RHOT1: variants seen among roughly 807,000 people sequenced by gnomAD.
RHOT1 encodes mitochondrial Rho GTPase 1.
A neutral mutation model predicts 95.3 loss-of-function variants in RHOT1; 27 were observed. The observed-to-expected ratio is 0.28, with a 90% confidence interval of 0.21 to 0.39. RHOT1 has a LOEUF of 0.39. Ranked by LOEUF, RHOT1 falls within the 10% of genes least tolerant of loss-of-function variation. The pLI, the probability that RHOT1 is intolerant of heterozygous loss-of-function variation, is 1.00. For missense variants in RHOT1, 578 were observed against 786.7 expected (o/e 0.73, Z 3.17); for synonymous variants, 227 against 263.5 (o/e 0.86, Z 1.34).
chr17:32,165,336 C>CAAAAA (rs773728913), intron 1 of RHOT1, among the ~76,000 whole-genome samples: 4 of 34,332 alleles, frequency 1.2e-4, no homozygotes, highest in African/African-American at 2.3e-4. Flanking sequence ...GACTCCGTCT[C>CAAAAA]AAAAAAAAAA....
At chr17:32,177,228 A>G (rs1429932345) in intron 6 of RHOT1, among the ~76,000 whole-genome samples, 3 of 152,238 alleles carry the variant, frequency 2.0e-5, no homozygotes, top group South Asian at 4.1e-4. Flanking sequence ...CTTTAAATTA[A>G]TTAAAATTAA....
intron 11 of RHOT1, among the ~76,000 whole-genome samples, chr17:32,197,519 G>A (rs2036988179): frequency 6.6e-6 from 1 of 152,008 alleles, no homozygotes; most frequent in South Asian, 2.1e-4. Flanking sequence ...CCGCCTCCCA[G>A]GTTCATCGAC....
rs142070278 is a variant in RHOT1, at chr17:32,186,335, C to T, written c.540+3063C>T. Among the ~76,000 whole-genome samples, 1,415 of 150,954 alleles carry T rather than the reference C, an allele frequency of 9.4e-3. 26 individuals are homozygous for T. Among genetic ancestry groups the T allele is most frequent in the African/African-American group, 0.033 (1,340 of 41,126 alleles). ...TTATTGGCCATCTTCTTTGGAGAAACGTCTATTGCCTATTCAAAGTCCTTT... is the reference window on the plus strand; with the variant it reads ...TTATTGGCCATCTTCTTTGGAGAAATGTCTATTGCCTATTCAAAGTCCTTT... On this transcript the variant is annotated intron_variant, in intron 8 of 19. Transcript: ENST00000545287.
chr17:32,171,181 T>G, intron 2 of RHOT1, 80 bp downstream of exon 2: 1 of 997,114 alleles, frequency 1.0e-6, no homozygotes, highest in South Asian at 1.5e-5. Context: ...CTGTCTCTTT[T>G]GGCATGTGTT....
At chr17:32,156,648 CG>C (rs972530343) in intron 1 of RHOT1, among the ~76,000 whole-genome samples, 41 of 152,310 alleles carry the variant, frequency 2.7e-4, no homozygotes, top group Admixed American at 5.2e-4. Context: ...AAGCATATGC[CG>C]TAAGCATTTA....
chr17:32,151,090 G>T, intron 1 of RHOT1: 1 of 1,050,564 alleles, frequency 9.5e-7, no homozygotes, highest in Non-Finnish European at 1.5e-6. Context: ...AGTGAAAACA[G>T]CCAGGTTATC....
At chr17:32,154,678 A>G (rs2032748413) in intron 1 of RHOT1, among the ~76,000 whole-genome samples, 1 of 150,618 alleles carries the variant, frequency 6.6e-6, no homozygotes, top group Non-Finnish European at 1.5e-5. Context: ...GGATCACTTG[A>G]GGTCAGGAGT....
chr17:32,214,161 A>G (rs1440228130), intron 19 of RHOT1, among the ~76,000 whole-genome samples: 2 of 152,122 alleles, frequency 1.3e-5, no homozygotes, highest in Non-Finnish European at 2.9e-5. Context: ...GGTAAGTAAG[A>G]TAGGTAGGTG....
intron 6 of RHOT1, among the ~76,000 whole-genome samples, chr17:32,177,551 C>T (rs538543909): frequency 7.2e-5 from 11 of 152,054 alleles, no homozygotes; most frequent in African/African-American, 1.9e-4. Flanking sequence ...GTCAGGAGAT[C>T]GAGACCATCC....
intron 1 of RHOT1, among the ~76,000 whole-genome samples, chr17:32,150,167 C>G (rs934296574): frequency 4.4e-4 from 67 of 152,238 alleles, no homozygotes; most frequent in African/African-American, 1.5e-3. Flanking sequence ...ACAAAAAGCC[C>G]TAGTTTAGAT....
rs1202973507 is a variant in RHOT1, at chr17:32,142,659, TGCGG to T, written c.-29_-26del. Reference sequence around the variant, plus strand: ...TGGTGAGAGGAGTCCACTCCGTGCGTGCGGGCGGAGGCCGGCCCCCGAGAGCCGC... The same window carrying T: ...TGGTGAGAGGAGTCCACTCCGTGCGTGCGGAGGCCGGCCCCCGAGAGCCGC... On this transcript the variant is annotated 5_prime_UTR_variant, in exon 1 of 20. Coordinates refer to ENST00000545287, the MANE Select transcript of RHOT1 (RefSeq NM_001033566.3). 7.9e-6 allele frequency: 12 copies of T among 1,519,614 alleles called. No homozygotes were observed. Among genetic ancestry groups the T allele is most frequent in the Non-Finnish European group, 7.0e-6 (8 of 1,135,484 alleles). 94.1% of individuals were successfully genotyped at this position (1,519,614 alleles called of 1,614,324 possible).
chr17:32,216,178 G>A (rs2038462215), intron 19 of RHOT1, among the ~76,000 whole-genome samples: 1 of 152,070 alleles, frequency 6.6e-6, no homozygotes, highest in African/African-American at 2.4e-5. Context: ...TTACTAGATT[G>A]TAGTGTATCG....
At chr17:32,175,388 G>T in intron 4 of RHOT1, 26 bp downstream of exon 4, 1 of 1,597,666 alleles carries the variant, frequency 6.3e-7, no homozygotes, top group Non-Finnish European at 8.6e-7. Context: ...CAGAGGTGTG[G>T]GGTTTTGTGT....
In RHOT1 at chr17:32,149,635, A is replaced by ATGTGTG. The variant is rs1300585666; in HGVS notation, c.37+6928_37+6933dup. Among the ~76,000 whole-genome samples the ATGTGTG allele has an allele frequency of 2.8e-3, 167 of 59,032 alleles. 3 individuals carry two copies. The highest frequency in any genetic ancestry group is 0.014 in the South Asian group (16 of 1,150). 38.7% of individuals were successfully genotyped at this position (59,032 alleles called of 152,430 possible). ...TATATATATATATATATATATATAT[A>ATGTGTG]TGTGTGTGTGTGTGTGTGTGTGTGT... On this transcript the variant is annotated intron_variant, in intron 1 of 19. Transcript: ENST00000545287.
chr17:32,193,027 C>T (rs2036613758), intron 9 of RHOT1, 109 bp from the exon 10 acceptor site: 3 of 666,884 alleles, frequency 4.5e-6, no homozygotes, highest in Non-Finnish European at 7.7e-6. Context: ...GAATATGTTT[C>T]TTTGGTTGCA....
At chr17:32,143,149 G>A (rs907382919) in intron 1 of RHOT1, 40 of 511,860 alleles carry the variant, frequency 7.8e-5, no homozygotes, top group Non-Finnish European at 1.3e-4. Flanking sequence ...ATCACTGCCA[G>A]GCAGGTGCTG....
At chr17:32,210,408 T>A (rs1165257002) in intron 18 of RHOT1, among the ~76,000 whole-genome samples, 1 of 152,206 alleles carries the variant, frequency 6.6e-6, no homozygotes, top group Non-Finnish European at 1.5e-5. Flanking sequence ...AAATTTCATA[T>A]CTGATTTCAA....
intron 1 of RHOT1, among the ~76,000 whole-genome samples, chr17:32,149,834 C>T (rs924252863): frequency 8.6e-5 from 13 of 151,658 alleles, no homozygotes; most frequent in East Asian, 1.9e-4. Flanking sequence ...CTGTAACCTC[C>T]GCCTCCTGAG....
chr17:32,225,455 T>C lies in RHOT1; in HGVS notation c.*722T>C, dbSNP rs1282491081. The stretch of plus-strand genomic sequence containing the variant: ...ATGAAATAAAAAAAAAATTTGTATA[T>C]TACCAATGTTTTTAGTTTAAATAAA... On this transcript the variant is annotated 3_prime_UTR_variant, in exon 20 of 20. Coordinates refer to ENST00000545287, the MANE Select transcript of RHOT1 (RefSeq NM_001033566.3). The C allele has an allele frequency of 6.6e-6, 1 of 152,564 alleles. No individual in the cohort carries two copies. Among genetic ancestry groups the C allele is most frequent in the Non-Finnish European group, 1.5e-5 (1 of 68,010 alleles). 9.5% of individuals were successfully genotyped at this position (152,564 alleles called of 1,614,324 possible). A position where few individuals can be genotyped will look rare whatever the true frequency, so the allele number is the denominator to read the frequency against.
Sources: allele counts gnomAD v4.1 joint callset (sites outside exome capture counted in the v4.1 genomes callset), GRCh38; gene constraint gnomAD v4.1.1; transcripts MANE v1.5; gene names NCBI Gene and HGNC (gene_info 2026-07-23, HGNC 2026-07-21).